AOPEP: variants seen among roughly 807,000 people sequenced by gnomAD.
AOPEP encodes aminopeptidase O (putative), also known as aminopeptidase O.
AOPEP carries 77 observed loss-of-function variants against 98.1 expected under a neutral mutation model. The ratio of observed to expected loss-of-function variants is 0.78; its 90% CI spans 0.65 to 0.95. AOPEP has a LOEUF of 0.95. Among genes scored for constraint, AOPEP ranks in the 40% least tolerant of loss-of-function variants. AOPEP has a pLI of 0.00. For missense variants in AOPEP, 1,024 were observed against 1,024.7 expected (o/e 1.00, Z 0.01); for synonymous variants, 346 against 365.3 (o/e 0.95, Z 0.60).
At chr9:95,073,475 G>A (rs533995250) in intron 14 of AOPEP, among the ~76,000 whole-genome samples, 12 of 152,066 alleles carry the variant, frequency 7.9e-5, no homozygotes, top group African/African-American at 2.4e-4. Flanking sequence ...AGAGGCCGGC[G>A]CGGTGGCTCC....
intron 5 of AOPEP, among the ~76,000 whole-genome samples, chr9:94,834,235 G>T (rs989133133): frequency 1.3e-5 from 2 of 152,190 alleles, no homozygotes; most frequent in African/African-American, 4.8e-5. Context: ...CTTAGGCTCT[G>T]TAAGATAAAC....
intron 13 of AOPEP, among the ~76,000 whole-genome samples, chr9:95,042,376 G>A (rs2065413247): frequency 6.6e-6 from 1 of 151,750 alleles, no homozygotes; most frequent in African/African-American, 2.4e-5. Flanking sequence ...AAAAATAAAG[G>A]ATGTCATTGT....
intron 5 of AOPEP, among the ~76,000 whole-genome samples, chr9:94,909,172 G>T (rs76289003): frequency 6.6e-6 from 1 of 152,092 alleles, no homozygotes; most frequent in Non-Finnish European, 1.5e-5. Context: ...CCTGTTCTCC[G>T]AAGGGGTGAG....
At chr9:94,869,749 TC>T (rs1470114335) in intron 5 of AOPEP, among the ~76,000 whole-genome samples, 2 of 152,236 alleles carry the variant, frequency 1.3e-5, no homozygotes, top group African/African-American at 4.8e-5. Context: ...TAGAATGTCA[TC>T]TGAGTACAGC....
intron 5 of AOPEP, among the ~76,000 whole-genome samples, chr9:94,856,248 G>A (rs1407863248): frequency 1.3e-5 from 2 of 152,114 alleles, no homozygotes; most frequent in Non-Finnish European, 2.9e-5. Context: ...TCAGTGTGGC[G>A]GGTAAGGACT....
intron 2 of AOPEP, 81 bp downstream of exon 2, chr9:94,760,661 C>A: frequency 8.8e-7 from 1 of 1,133,148 alleles, no homozygotes; most frequent in Non-Finnish European, 1.2e-6. Context: ...GAGACCGGCT[C>A]TGCAGAGATG....
intron 11 of AOPEP, among the ~76,000 whole-genome samples, chr9:94,985,518 A>G: frequency 6.6e-6 from 1 of 152,242 alleles, no homozygotes; most frequent in East Asian, 1.9e-4. Flanking sequence ...ATGCAGTATT[A>G]TCAATATAAT....
chr9:94,801,422 G>A (rs1848193274), intron 5 of AOPEP, among the ~76,000 whole-genome samples: 2 of 152,204 alleles, frequency 1.3e-5, no homozygotes, highest in Admixed American at 1.3e-4. Flanking sequence ...ACCTAATCCT[G>A]ACCAGCTGTC....
rs779469011 is a variant in AOPEP at position 95,078,219 on chromosome 9, G to A, written c.2233-2475G>A. 1.6e-4 allele frequency among the ~76,000 whole-genome samples: 25 copies of A among 152,266 alleles called. No homozygotes were observed. In the Middle Eastern group the frequency reaches 0.014, roughly 83 times the overall value. ...CGTGGTGAAAGAGCCTCTTCCACCC[G>A]CCATCTGGACCTGCACCAGCTGTGG... On this transcript the variant is annotated intron_variant, in intron 14 of 16. Transcript: ENST00000375315.
intron 16 of AOPEP, chr9:95,086,402 C>A (rs1045276): frequency 2.0e-6 from 2 of 985,158 alleles, no homozygotes; most frequent in African/African-American, 3.5e-5. Flanking sequence ...TTTCTGAGAA[C>A]AGTTAGAGTG....
intron 7 of AOPEP, among the ~76,000 whole-genome samples, chr9:94,940,898 G>T (rs575899090): frequency 1.3e-4 from 20 of 152,050 alleles, no homozygotes; most frequent in African/African-American, 4.8e-4. Flanking sequence ...CCTGTCTCTT[G>T]ACCAACCAGA....
intron 1 of AOPEP, among the ~76,000 whole-genome samples, chr9:94,747,750 T>C (rs887559417): frequency 9.9e-5 from 15 of 152,132 alleles, no homozygotes; most frequent in African/African-American, 3.4e-4. Context: ...CGGGGAGATA[T>C]GAAAGTGAGC....
At chr9:95,111,272 G>GT in the AOPEP span, 5 of 1,554,082 alleles carry the variant, frequency 3.2e-6, no homozygotes, top group Non-Finnish European at 4.3e-6. Context: ...GGCCACCTCG[G>GT]TGGGGACAGG....
At chr9:94,797,587 C>A (rs1347852426) in intron 4 of AOPEP, among the ~76,000 whole-genome samples, 1 of 151,922 alleles carries the variant, frequency 6.6e-6, no homozygotes, top group Non-Finnish European at 1.5e-5. Context: ...AATTAACATA[C>A]AACAAAACGT....
chr9:94,750,495 GA>G (rs1391603634), intron 1 of AOPEP, among the ~76,000 whole-genome samples: 1 of 152,020 alleles, frequency 6.6e-6, no homozygotes, highest in African/African-American at 2.4e-5. Flanking sequence ...TGAGGCAGGA[GA>G]ATCACTTGAA....
Position 94,981,663 on chromosome 9 carries a change from C to T in AOPEP, c.1977+2236C>T, listed in dbSNP as rs144866951. Among the ~76,000 whole-genome samples the T allele has an allele frequency of 3.5e-4, 53 of 152,260 alleles. 1 individual carries two copies. The highest frequency in any genetic ancestry group is 1.2e-3 in the African/African-American group (48 of 41,542). ...GGCTCTACAAGGACCTGGGACCCTC[C>T]GGTTGCAGGAGGCTTGTGGTGAATG... On this transcript the variant is annotated intron_variant, in intron 11 of 16. Coordinates refer to ENST00000375315, the MANE Select transcript of AOPEP (RefSeq NM_001193329.3).
rs74555134 is a variant in AOPEP at position 94,924,937 on chromosome 9, A to G, written c.1554+762A>G. ...CTTAAAGCATTGGCCACCAGTTCCAATGAGGATGATAAGCAACTAAGCTGC... is the reference window on the plus strand; with the variant it reads ...CTTAAAGCATTGGCCACCAGTTCCAGTGAGGATGATAAGCAACTAAGCTGC... On this transcript the variant is annotated intron_variant, in intron 6 of 16. Coordinates refer to ENST00000375315, the MANE Select transcript of AOPEP (RefSeq NM_001193329.3). Among the ~76,000 whole-genome samples the G allele has an allele frequency of 3.3e-5, 5 of 152,336 alleles. No homozygotes were observed. The East Asian group carries it at 7.7e-4, about 23-fold the overall frequency.
chr9:95,117,811 G>A, the AOPEP span, among the ~76,000 whole-genome samples: 1 of 149,662 alleles, frequency 6.7e-6, no homozygotes, highest in South Asian at 2.1e-4. Context: ...GCAACCTCTG[G>A]CTCCCGGGTT....
At position 94,757,143 on chromosome 9, in the gene AOPEP, T is replaced by C. The variant is rs138674251; in HGVS notation, c.-135-2506T>C. On this transcript the variant is annotated intron_variant, in intron 1 of 16. Coordinates refer to ENST00000375315, the MANE Select transcript of AOPEP (RefSeq NM_001193329.3). ...TAATAAGCTTTGGTGAAAAGGGATA[T>C]TGTTCCCTCTGAATCAAGAGAAGGT... Among the ~76,000 whole-genome samples, 89 of 152,324 alleles carry C rather than the reference T, an allele frequency of 5.8e-4. 1 individual carries two copies. Among genetic ancestry groups the C allele is most frequent in the African/African-American group, 2.1e-3 (87 of 41,580 alleles).
Sources: gnomAD v4.1 joint callset for allele counts (sites outside exome capture counted in the v4.1 genomes callset) on GRCh38, gnomAD v4.1.1 for gene constraint, MANE v1.5 for transcripts, NCBI Gene and HGNC (gene_info 2026-07-23, HGNC 2026-07-21) for gene names.